The following TOGARAM2 variants were observed in gnomAD, a reference collection of about 807,000 sequenced individuals.
The protein encoded by TOGARAM2 is TOG array regulator of axonemal microtubules protein 2.
TOGARAM2 carries 85 observed loss-of-function variants against 93.3 expected under a neutral mutation model. The ratio of observed to expected loss-of-function variants is 0.91; its 90% confidence interval spans 0.76 to 1.09. TOGARAM2 has a LOEUF of 1.09. TOGARAM2 is among the 50% of genes least tolerant of loss of function. TOGARAM2 has a pLI of 0.00. For missense variants in TOGARAM2, 1,277 were observed against 1,334.5 expected (o/e 0.96, Z 0.67); for synonymous variants, 593 against 552.8 (o/e 1.07, Z -1.02).
At chr2:29,031,722 G>A (rs140367611) in intron 14 of TOGARAM2, among the ~76,000 whole-genome samples, 19 of 152,320 alleles carry the variant, frequency 1.2e-4, no homozygotes, top group African/African-American at 3.1e-4. Context: ...ATACCGACAA[G>A]CAATGCTATC....
At chr2:29,041,132 C>T (rs1400559027) in intron 18 of TOGARAM2, among the ~76,000 whole-genome samples, 2 of 151,260 alleles carry the variant, frequency 1.3e-5, no homozygotes, top group African/African-American at 4.9e-5. Flanking sequence ...TCAAGCGATG[C>T]TTCTGCCTCA....
chr2:28,991,076 C>A (rs1488735793), intron 1 of TOGARAM2, among the ~76,000 whole-genome samples: 4 of 148,230 alleles, frequency 2.7e-5, no homozygotes, highest in Non-Finnish European at 5.9e-5. Context: ...AGATTCACAC[C>A]TGACATTATT....
rs189990269 is a variant in TOGARAM2, at chr2:29,024,277, G to A, written c.1756G>A (p.Glu586Lys). Reference sequence around the variant, plus strand: ...GCTGCAGAAGATGGCGGACACCAACGAGTTCATCCAGAGAGCAGCCGGCCA... The same window carrying A: ...GCTGCAGAAGATGGCGGACACCAACAAGTTCATCCAGAGAGCAGCCGGCCA... ...CLLQKMADTN[E>K]FIQRAAGQSL... The change falls in exon 13 of 20, where the codon GAG becomes AAG. Residue 586 changes from glutamate (E) to lysine (K), a missense_variant. Transcript: ENST00000379558. 37 of 1,613,276 alleles carry A rather than the reference G, an allele frequency of 2.3e-5. No homozygotes were observed. The East Asian group carries it at 2.9e-4, about 13-fold the overall frequency.
intron 7 of TOGARAM2, among the ~76,000 whole-genome samples, chr2:29,012,425 C>T (rs554811840): frequency 5.3e-5 from 8 of 152,328 alleles, no homozygotes; most frequent in African/African-American, 1.9e-4. Context: ...TCCCCTGCTC[C>T]CGGGCCAGGC....
intron 19 of TOGARAM2, chr2:29,045,656 T>C: frequency 2.0e-6 from 1 of 504,966 alleles, no homozygotes; most frequent in Admixed American, 3.6e-5. Context: ...CTGTTACAGG[T>C]TGAATCTCCC....
At chr2:28,997,152 A>G (rs1558411644) in intron 2 of TOGARAM2, among the ~76,000 whole-genome samples, 1 of 152,244 alleles carries the variant, frequency 6.6e-6, no homozygotes, top group Non-Finnish European at 1.5e-5. Flanking sequence ...GACACAAGGA[A>G]ACAGTCAATA....
At chr2:29,018,300 A>T (rs1664719968) in intron 10 of TOGARAM2, 1 of 246,426 alleles carries the variant, frequency 4.1e-6, no homozygotes, top group Non-Finnish European at 7.7e-6. Flanking sequence ...GGATGAGAGG[A>T]TTGGGGAAGA....
At chr2:28,988,617 GCAAA>G (rs904090186) in intron 1 of TOGARAM2, among the ~76,000 whole-genome samples, 10 of 151,932 alleles carry the variant, frequency 6.6e-5, no homozygotes, top group Non-Finnish European at 1.3e-4. Context: ...GAACAAACAA[GCAAA>G]CAAAAAATAC....
rs1672181010 is a variant in TOGARAM2, at chr2:28,981,341, A to C, written c.-308A>C. ...TTGCTGAGAGCTGGAGCACGCCAGC[A>C]GTGGAGCTCGTGGCCACCCAGCCCC... is the stretch of plus-strand genomic sequence containing the variant. On this transcript the variant is annotated 5_prime_UTR_variant, in exon 1 of 20. Coordinates refer to ENST00000379558, the MANE Select transcript of TOGARAM2 (RefSeq NM_199280.4). 6.6e-6 allele frequency: 1 copy of C among 152,116 alleles called. No individual in the cohort carries two copies. The highest frequency in any genetic ancestry group is 1.5e-5 in the Non-Finnish European group (1 of 68,134). The allele number at this position is 152,116 out of a possible 1,614,324, so 9.4% of individuals were successfully genotyped here.
chr2:29,020,993 A>C (rs1442579800), intron 10 of TOGARAM2, among the ~76,000 whole-genome samples: 1 of 152,086 alleles, frequency 6.6e-6, no homozygotes, highest in African/African-American at 2.4e-5. Flanking sequence ...GGCTCACTGC[A>C]ACCTACGCTT....
chr2:28,988,372 G>A (rs1374089528), intron 1 of TOGARAM2, among the ~76,000 whole-genome samples: 2 of 152,038 alleles, frequency 1.3e-5, no homozygotes, highest in Non-Finnish European at 2.9e-5. Flanking sequence ...GCCGTTCTAC[G>A]TGCCCTTTCT....
intron 1 of TOGARAM2, among the ~76,000 whole-genome samples, chr2:28,983,198 ATTTTTTTTTTT>A (rs57949744): frequency 3.4e-4 from 19 of 56,618 alleles, no homozygotes; most frequent in Admixed American, 1.4e-3. Context: ...ATATATATAT[ATTTTTTTTTTT>A]TTTTTTTTTT....
intron 2 of TOGARAM2, among the ~76,000 whole-genome samples, chr2:28,997,236 C>T (rs1404366586): frequency 6.6e-6 from 1 of 152,148 alleles, no homozygotes; most frequent in Admixed American, 6.5e-5. Flanking sequence ...ATATAAGGAA[C>T]TCAAACAACT....
intron 13 of TOGARAM2, among the ~76,000 whole-genome samples, chr2:29,026,361 C>T (rs141225467): frequency 3.9e-5 from 6 of 152,298 alleles, no homozygotes; most frequent in Admixed American, 2.6e-4. Flanking sequence ...ACCTGGTCCC[C>T]GCCCACAGGG....
chr2:28,961,718 A>G (rs1193215116), intron 1 of TOGARAM2, among the ~76,000 whole-genome samples: 1 of 152,240 alleles, frequency 6.6e-6, no homozygotes, highest in Non-Finnish European at 1.5e-5. Flanking sequence ...ACACCTGTAT[A>G]GTCACAACAC....
At chr2:28,995,800 G>C (rs1672961791) in intron 2 of TOGARAM2, among the ~76,000 whole-genome samples, 1 of 152,238 alleles carries the variant, frequency 6.6e-6, no homozygotes, top group South Asian at 2.1e-4. Context: ...TCCAGACTAG[G>C]AGTCTTGCAG....
chr2:29,026,015 C>G (rs1665335620), intron 13 of TOGARAM2, among the ~76,000 whole-genome samples: 1 of 152,148 alleles, frequency 6.6e-6, no homozygotes, highest in Non-Finnish European at 1.5e-5. Flanking sequence ...GGGCCTGGAA[C>G]ATGCAGCTCA....
intron 1 of TOGARAM2, among the ~76,000 whole-genome samples, chr2:28,990,632 G>A (rs1672674409): frequency 1.3e-5 from 2 of 152,286 alleles, no homozygotes; most frequent in Admixed American, 1.3e-4. Context: ...GCCCAGCACG[G>A]ATGCTGCTTT....
chr2:28,990,421 C>T (rs773286823), intron 1 of TOGARAM2, among the ~76,000 whole-genome samples: 50 of 152,276 alleles, frequency 3.3e-4, no homozygotes, highest in Non-Finnish European at 6.0e-4. Context: ...CAGAGCAAGC[C>T]CCGACCCTCT....
Sources: gnomAD v4.1 joint callset for allele counts (sites outside exome capture counted in the v4.1 genomes callset) on GRCh38, gnomAD v4.1.1 for gene constraint, MANE v1.5 for transcripts, NCBI Gene and HGNC (gene_info 2026-07-23, HGNC 2026-07-21) for gene names.